PIK3C2G: variants seen among roughly 807,000 people sequenced by gnomAD.
PIK3C2G encodes phosphatidylinositol 3-kinase C2 domain-containing subunit gamma.
Under a neutral mutation model 181.1 loss-of-function variants are expected in PIK3C2G, and 168 were observed. The observed-to-expected ratio is 0.93, with a 90% CI of 0.82 to 1.05. The LOEUF is 1.05. PIK3C2G is among the 50% of genes least tolerant of loss of function. PIK3C2G has a pLI of 0.00. For synonymous variants in PIK3C2G, 573 were observed against 592.2 expected (o/e 0.97, Z 0.47); for missense variants, 1,869 against 1,732.8 (o/e 1.08, Z -1.40).
intron 32 of PIK3C2G, among the ~76,000 whole-genome samples, chr12:18,641,736 T>A (rs1007290352): frequency 2.1e-5 from 3 of 142,074 alleles, no homozygotes; most frequent in Non-Finnish European, 3.0e-5. Context: ...GGCTTCTCTC[T>A]CTCAAGCTTT....
intron 5 of PIK3C2G, among the ~76,000 whole-genome samples, chr12:18,311,706 A>C (rs1055559832): frequency 2.6e-5 from 4 of 152,102 alleles, no homozygotes; most frequent in Admixed American, 6.6e-5. Flanking sequence ...TGTAATTTAT[A>C]GATACTAGAT....
chr12:18,535,815 G>A (rs936588127), intron 24 of PIK3C2G, among the ~76,000 whole-genome samples: 3 of 151,066 alleles, frequency 2.0e-5, no homozygotes, highest in African/African-American at 7.4e-5. Context: ...ATAGTGATGA[G>A]TGAGTGAGCA....
chr12:18,490,055 T>C (rs1039012521), intron 19 of PIK3C2G, among the ~76,000 whole-genome samples: 13 of 152,102 alleles, frequency 8.5e-5, no homozygotes, highest in African/African-American at 2.9e-4. Flanking sequence ...TCACAAAAAT[T>C]TAAGTTCCTA....
intron 8 of PIK3C2G, among the ~76,000 whole-genome samples, chr12:18,329,282 T>C (rs55965108): frequency 0.022 from 3,396 of 152,006 alleles, 147 homozygotes; most frequent in African/African-American, 0.078. Context: ...ATATAATACA[T>C]GAAGAACACA....
intron 31 of PIK3C2G, among the ~76,000 whole-genome samples, chr12:18,622,070 A>G (rs1948888058): frequency 6.6e-6 from 1 of 151,936 alleles, no homozygotes; most frequent in Admixed American, 6.6e-5. Context: ...TAATTAAAAC[A>G]TTAGAAATTT....
At chr12:18,279,486 A>T (rs1046075411) in intron 1 of PIK3C2G, among the ~76,000 whole-genome samples, 4 of 152,030 alleles carry the variant, frequency 2.6e-5, no homozygotes, top group African/African-American at 9.6e-5. Context: ...AATTAAAAAA[A>T]CTCAAGGTTT....
intron 18 of PIK3C2G, among the ~76,000 whole-genome samples, chr12:18,469,778 T>TAAA (rs34500497): frequency 6.8e-6 from 1 of 146,470 alleles, no homozygotes; most frequent in African/African-American, 2.5e-5. Flanking sequence ...AGTCTCTCTT[T>TAAA]AAAAAAAAAA....
chr12:18,667,712 T>A, the PIK3C2G span, among the ~76,000 whole-genome samples: 2 of 152,144 alleles, frequency 1.3e-5, no homozygotes, highest in East Asian at 1.9e-4. Context: ...ATCATAAAAG[T>A]CTATGAAATA....
intron 8 of PIK3C2G, among the ~76,000 whole-genome samples, chr12:18,335,644 A>G (rs918765434): frequency 1.3e-5 from 2 of 152,124 alleles, no homozygotes; most frequent in Admixed American, 6.5e-5. Flanking sequence ...ATAGCACCCC[A>G]TATTCTTAGT....
intron 1 of PIK3C2G, among the ~76,000 whole-genome samples, chr12:18,268,248 G>A (rs1371317037): frequency 6.6e-6 from 1 of 151,988 alleles, no homozygotes; most frequent in Non-Finnish European, 1.5e-5. Context: ...TTTGTGGCTG[G>A]TAATGCTATA....
At chr12:18,291,092 T>C in intron 4 of PIK3C2G, 80 bp downstream of exon 4, 1 of 792,950 alleles carries the variant, frequency 1.3e-6, no homozygotes, top group Non-Finnish European at 2.0e-6. Context: ...AAGTCTGAAG[T>C]TATTAAAAAA....
At chr12:18,264,123 T>C (rs911251059) in intron 1 of PIK3C2G, among the ~76,000 whole-genome samples, 3 of 152,198 alleles carry the variant, frequency 2.0e-5, no homozygotes, top group Non-Finnish European at 4.4e-5. Flanking sequence ...TATCTGAATA[T>C]ACATGTATTA....
At chr12:18,398,994 G>C (rs963999818) in intron 15 of PIK3C2G, among the ~76,000 whole-genome samples, 12 of 151,618 alleles carry the variant, frequency 7.9e-5, no homozygotes, top group African/African-American at 2.9e-4. Flanking sequence ...AGGAGATCGA[G>C]ACCATCCCGG....
At chr12:18,723,647 A>T in the PIK3C2G span, 1 of 924,304 alleles carries the variant, frequency 1.1e-6, no homozygotes, top group Non-Finnish European at 1.7e-6. Flanking sequence ...TTGAAAGAAG[A>T]TGAAAATTAC....
the PIK3C2G span, chr12:18,693,839 CT>C: frequency 1.3e-6 from 2 of 1,531,092 alleles, no homozygotes; most frequent in Non-Finnish European, 1.8e-6. Flanking sequence ...TGAGTTCCCC[CT>C]GCCTGATGAA....
intron 31 of PIK3C2G, among the ~76,000 whole-genome samples, chr12:18,629,767 G>A (rs535635310): frequency 4.7e-4 from 71 of 152,228 alleles, no homozygotes; most frequent in African/African-American, 1.6e-3. Context: ...TCAGAGACAT[G>A]CCTTCAGATG....
At chr12:18,279,010 G>T (rs6486896) in intron 1 of PIK3C2G, among the ~76,000 whole-genome samples, 52,755 of 151,764 alleles carry the variant, frequency 0.35, 9,644 homozygotes, top group Non-Finnish European at 0.41. Flanking sequence ...CTTGCTGTGA[G>T]AAGTACTTGA....
the PIK3C2G span, among the ~76,000 whole-genome samples, chr12:18,685,118 T>G: frequency 6.6e-6 from 1 of 152,056 alleles, no homozygotes. Context: ...GTCAGTCTTA[T>G]TATGGGAAGA....
intron 12 of PIK3C2G, among the ~76,000 whole-genome samples, chr12:18,364,388 T>C (rs1366117370): frequency 6.6e-6 from 1 of 152,194 alleles, no homozygotes; most frequent in Non-Finnish European, 1.5e-5. Context: ...TTGGGCAAAA[T>C]TGTTCATCTT....
Sources: gnomAD v4.1 joint callset for allele counts (sites outside exome capture counted in the v4.1 genomes callset) on GRCh38, gnomAD v4.1.1 for gene constraint, MANE v1.5 for transcripts, NCBI Gene and HGNC (gene_info 2026-07-23, HGNC 2026-07-21) for gene names.